KDM4C: variants seen among roughly 807,000 people sequenced by gnomAD.
KDM4C encodes the protein lysine-specific demethylase 4C.
A neutral mutation model predicts 129.3 loss-of-function variants in KDM4C; 81 were observed. That is an observed-to-expected ratio of 0.63 (90% confidence interval 0.52 to 0.75). The LOEUF is 0.75. KDM4C is among the 30% of genes least tolerant of loss of function. The pLI, the probability that KDM4C is intolerant of heterozygous loss-of-function variation, is 0.00. For synonymous variants in KDM4C, 573 were observed against 456.1 expected (o/e 1.26, Z -3.26); for missense variants, 1,457 against 1,304.0 (o/e 1.12, Z -1.81).
chr9:6,995,929 A>G (rs1392985630), intron 12 of KDM4C, among the ~76,000 whole-genome samples: 2 of 152,162 alleles, frequency 1.3e-5, no homozygotes, highest in East Asian at 1.9e-4. Context: ...CGGCCTCCCA[A>G]AGTGCTGGGA....
intron 19 of KDM4C, among the ~76,000 whole-genome samples, chr9:7,137,195 CCT>C (rs1841302881): frequency 6.6e-6 from 1 of 152,192 alleles, no homozygotes; most frequent in Non-Finnish European, 1.5e-5. Flanking sequence ...CTGCTGGTCC[CCT>C]GTGCCAGCCT....
chr9:7,079,780 A>G (rs533073023), intron 17 of KDM4C, among the ~76,000 whole-genome samples: 2 of 152,328 alleles, frequency 1.3e-5, no homozygotes, highest in South Asian at 4.1e-4. Flanking sequence ...GGGTTAAATG[A>G]AGACTTTCCT....
At chr9:6,972,687 TA>T (rs1832201024) in intron 8 of KDM4C, among the ~76,000 whole-genome samples, 2 of 152,234 alleles carry the variant, frequency 1.3e-5, no homozygotes, top group Non-Finnish European at 2.9e-5. Flanking sequence ...AGTTTCATGT[TA>T]GGCAGCTAAT....
chr9:6,985,352 C>T (rs1049031932), intron 10 of KDM4C, among the ~76,000 whole-genome samples: 1 of 152,216 alleles, frequency 6.6e-6, no homozygotes, highest in African/African-American at 2.4e-5. Flanking sequence ...TGCCTTTGCT[C>T]TTGAAATAGC....
At chr9:7,171,679 C>T (rs554491837) in intron 21 of KDM4C, among the ~76,000 whole-genome samples, 3 of 152,166 alleles carry the variant, frequency 2.0e-5, no homozygotes, top group Admixed American at 6.5e-5. Flanking sequence ...CTTTCATACT[C>T]TGATCACAAT....
At chr9:6,777,269 A>C (rs1002691258) in intron 1 of KDM4C, among the ~76,000 whole-genome samples, 2 of 151,824 alleles carry the variant, frequency 1.3e-5, no homozygotes, top group African/African-American at 4.8e-5. Flanking sequence ...AAAGCTCTCT[A>C]CTCCTTTCTG....
chr9:7,087,779 G>T (rs1486590146), intron 17 of KDM4C, among the ~76,000 whole-genome samples: 1 of 152,172 alleles, frequency 6.6e-6, no homozygotes, highest in Non-Finnish European at 1.5e-5. Context: ...GGTATTTAGA[G>T]ATACATGTTT....
chr9:7,162,356 G>A (rs1267327794), intron 19 of KDM4C, among the ~76,000 whole-genome samples: 1 of 152,198 alleles, frequency 6.6e-6, no homozygotes, highest in Admixed American at 6.5e-5. Flanking sequence ...ACAGAGCAAC[G>A]TTAGGAGGAG....
At chr9:6,946,302 A>T (rs1011349358) in intron 8 of KDM4C, among the ~76,000 whole-genome samples, 2 of 152,040 alleles carry the variant, frequency 1.3e-5, no homozygotes, top group Admixed American at 6.6e-5. Context: ...ATTTTTTATT[A>T]ATTATATAGA....
At chr9:7,145,110 G>C (rs894338560) in intron 19 of KDM4C, among the ~76,000 whole-genome samples, 39 of 152,086 alleles carry the variant, frequency 2.6e-4, no homozygotes, top group African/African-American at 8.7e-4. Context: ...CCTCCTCCTC[G>C]GGTGTTGATC....
rs538767565 is a variant in KDM4C at position 6,813,449 on chromosome 9, G to T, written c.321-1182G>T. 9.2e-5 allele frequency among the ~76,000 whole-genome samples: 14 copies of T among 152,272 alleles called. No homozygotes were observed. The South Asian group carries it at 2.9e-3, about 32-fold the overall frequency. ...GTTGTTTGGTATTTTGAATACAGTT[G>T]TTCCATTATTTGGTATTCTTGTTAC... On this transcript the variant is annotated intron_variant, in intron 3 of 21. Transcript: ENST00000381309.
intron 12 of KDM4C, among the ~76,000 whole-genome samples, chr9:6,998,029 C>A (rs188669712): frequency 6.6e-6 from 1 of 152,046 alleles, no homozygotes; most frequent in Non-Finnish European, 1.5e-5. Context: ...AGATTAAAGC[C>A]CTGGTTTTGG....
chr9:6,896,794 A>G (rs751182017), intron 8 of KDM4C, among the ~76,000 whole-genome samples: 4 of 152,136 alleles, frequency 2.6e-5, no homozygotes, highest in African/African-American at 7.2e-5. Context: ...TCATTGTTCT[A>G]TGAGAACAGG....
chr9:7,056,350 C>CAAAAAAAAAA (rs60009675), intron 17 of KDM4C, among the ~76,000 whole-genome samples: 1 of 147,512 alleles, frequency 6.8e-6, no homozygotes, highest in Non-Finnish European at 1.5e-5. Flanking sequence ...AAGTGTAGTG[C>CAAAAAAAAAA]AAAAAAAAAA....
chr9:6,920,591 C>T (rs1037879068), intron 8 of KDM4C, among the ~76,000 whole-genome samples: 2 of 151,730 alleles, frequency 1.3e-5, no homozygotes, highest in African/African-American at 2.4e-5. Context: ...GAAATAGAAA[C>T]TTGTATATCA....
intron 17 of KDM4C, among the ~76,000 whole-genome samples, chr9:7,071,983 A>G (rs1422258075): frequency 6.6e-6 from 1 of 152,212 alleles, no homozygotes; most frequent in African/African-American, 2.4e-5. Flanking sequence ...AGAACCTTAT[A>G]AAAAACTGCA....
rs375257991 is a variant in KDM4C, at chr9:7,074,442, C to T, written c.2424+25242C>T. ...TTGGTCTGCCAAAGTCCTGGGATTA[C>T]GGGTATGAGCCACTGTGCCCAGCAT... On this transcript the variant is annotated intron_variant, in intron 17 of 21. Coordinates refer to ENST00000381309, the MANE Select transcript of KDM4C (RefSeq NM_015061.6). 5.3e-5 allele frequency among the ~76,000 whole-genome samples: 8 copies of T among 152,094 alleles called. No homozygotes were observed. The East Asian group carries it at 7.7e-4, about 15-fold the overall frequency.
At chr9:6,775,012 A>G (rs1232814760) in intron 1 of KDM4C, among the ~76,000 whole-genome samples, 1 of 152,042 alleles carries the variant, frequency 6.6e-6, no homozygotes, top group Non-Finnish European at 1.5e-5. Flanking sequence ...ATTCATCCAT[A>G]TTTATTTTCT....
At chr9:7,068,079 A>G (rs1389363437) in intron 17 of KDM4C, among the ~76,000 whole-genome samples, 2 of 152,218 alleles carry the variant, frequency 1.3e-5, no homozygotes, top group African/African-American at 2.4e-5. Context: ...TACAGGCGTG[A>G]GCCACCGCAC....
Sources: gnomAD v4.1 joint callset for allele counts (sites outside exome capture counted in the v4.1 genomes callset) on GRCh38, gnomAD v4.1.1 for gene constraint, MANE v1.5 for transcripts, NCBI Gene and HGNC (gene_info 2026-07-23, HGNC 2026-07-21) for gene names.